The following MAD1L1 variants were observed in gnomAD, a reference collection of about 807,000 sequenced individuals.
MAD1L1 encodes mitotic arrest deficient 1 like 1, also known as mitotic spindle assembly checkpoint protein MAD1.
MAD1L1 carries 95 observed loss-of-function variants against 96.9 expected under a neutral mutation model. The observed-to-expected ratio is 0.98, with a 90% confidence interval of 0.83 to 1.16. MAD1L1 has a LOEUF of 1.16. MAD1L1 is among the 50% of genes most tolerant of loss of function. The probability of loss-of-function intolerance (pLI) is 0.00; values close to 1 mark genes in which losing one functional copy is unlikely to be tolerated. For missense variants in MAD1L1, 1,007 were observed against 954.4 expected, an observed-to-expected ratio of 1.06 and a Z score of -0.73; for synonymous variants, 473 against 396.6, an observed-to-expected ratio of 1.19 and a Z score of -2.29.
At chr7:1,999,810 G>A (rs1009948977) in intron 14 of MAD1L1, among the ~76,000 whole-genome samples, 10 of 152,150 alleles carry the variant, frequency 6.6e-5, no homozygotes, top group Admixed American at 2.0e-4. Context: ...ATGAAACGCC[G>A]GCCGCAGGGC....
At chr7:2,083,412 G>A (rs55954288) in intron 11 of MAD1L1, among the ~76,000 whole-genome samples, 4,117 of 152,298 alleles carry the variant, frequency 0.027, 95 homozygotes, top group South Asian at 0.088. Flanking sequence ...CCTTTAAAAG[G>A]CAGGGTTAGT....
intron 18 of MAD1L1, among the ~76,000 whole-genome samples, chr7:1,838,180 C>A (rs867823402): frequency 6.6e-6 from 1 of 152,230 alleles, no homozygotes; most frequent in Non-Finnish European, 1.5e-5. Context: ...TCTAACCCAG[C>A]GGCACCCGCA....
At chr7:2,220,736 T>G in intron 5 of MAD1L1, 1 of 854,216 alleles carries the variant, frequency 1.2e-6, no homozygotes, top group Middle Eastern at 3.2e-4. Flanking sequence ...GGGGGCTGCG[T>G]GCTCCCCACA....
chr7:1,916,300 T>C (rs1360209548), intron 17 of MAD1L1, among the ~76,000 whole-genome samples: 1 of 152,126 alleles, frequency 6.6e-6, no homozygotes, highest in African/African-American at 2.4e-5. Context: ...CAAAGACTTG[T>C]ACCCAAACGT....
chr7:1,869,475 C>T (rs555276074), intron 18 of MAD1L1, among the ~76,000 whole-genome samples: 4 of 152,284 alleles, frequency 2.6e-5, no homozygotes, highest in South Asian at 2.1e-4. Flanking sequence ...GCTCAGCCCA[C>T]GTGCAGCTGG....
At chr7:1,986,377 C>A (rs368364520) in intron 14 of MAD1L1, among the ~76,000 whole-genome samples, 3 of 151,962 alleles carry the variant, frequency 2.0e-5, no homozygotes, top group East Asian at 3.9e-4. Flanking sequence ...TGGAACCACA[C>A]GCCAGTCCAG....
chr7:2,016,859 A>C (rs1398982319), intron 12 of MAD1L1, among the ~76,000 whole-genome samples: 3 of 152,276 alleles, frequency 2.0e-5, no homozygotes, highest in Non-Finnish European at 4.4e-5. Flanking sequence ...CGTGTGTCAT[A>C]ATCTTATTGA....
intron 10 of MAD1L1, among the ~76,000 whole-genome samples, chr7:2,181,064 C>T (rs930873103): frequency 8.5e-5 from 13 of 152,212 alleles, no homozygotes; most frequent in Non-Finnish European, 1.3e-4. Flanking sequence ...TCAAATATGC[C>T]GGTGAGCTTA....
chr7:2,168,554 CAGT>C (rs757767769), intron 10 of MAD1L1, among the ~76,000 whole-genome samples: 2 of 152,224 alleles, frequency 1.3e-5, no homozygotes, highest in African/African-American at 4.8e-5. Context: ...TCCTGAACTT[CAGT>C]TATCTGTCCT....
In MAD1L1 at chr7:2,114,611, G is replaced by A. The variant is rs915960137; in HGVS notation, c.1073+34541C>T. 1.3e-5 allele frequency among the ~76,000 whole-genome samples: 2 copies of A among 152,210 alleles called. No individual in the cohort carries two copies. Among genetic ancestry groups the A allele is most frequent in the African/African-American group, 2.4e-5 (1 of 41,440 alleles). ...GACTTGAACGGTGGTTTCTTAACAG[G>A]GTCCAACAACTACAGCCTGTGGCCA... is the stretch of plus-strand genomic sequence containing the variant. On this transcript the variant is annotated intron_variant, in intron 11 of 18. Coordinates refer to ENST00000265854, the MANE Select transcript of MAD1L1 (RefSeq NM_001013836.2). This position sits in a 1 kb window ranked among gnomAD's most constrained non-coding sequence, Gnocchi z 4.2.
intron 14 of MAD1L1, among the ~76,000 whole-genome samples, chr7:1,995,286 C>T (rs1010439255): frequency 4.6e-5 from 7 of 152,172 alleles, no homozygotes; most frequent in Middle Eastern, 3.4e-3. Context: ...GAACGGGCAG[C>T]GAGCCTGGAA....
At chr7:2,040,721 C>G (rs1317909251) in intron 12 of MAD1L1, among the ~76,000 whole-genome samples, 1 of 152,198 alleles carries the variant, frequency 6.6e-6, no homozygotes, top group African/African-American at 2.4e-5. Flanking sequence ...GGCAGCTCCC[C>G]GCCAGGCTGT....
chr7:2,119,352 T>G lies in MAD1L1; in HGVS notation c.1073+29800A>C, dbSNP rs1358038521. 6.6e-6 allele frequency among the ~76,000 whole-genome samples: 1 copy of G among 152,120 alleles called. No individual in the cohort carries two copies. Among genetic ancestry groups the G allele is most frequent in the Non-Finnish European group, 1.5e-5 (1 of 68,020 alleles). On this transcript the variant is annotated intron_variant, in intron 11 of 18. Coordinates refer to ENST00000265854, the MANE Select transcript of MAD1L1 (RefSeq NM_001013836.2). The surrounding 1 kb of genome is among the most constrained non-coding windows in gnomAD (Gnocchi z 4.6). Reference sequence around the variant, plus strand: ...CTATCGCATCTCCATCACCCACCCTTTCTGACAGTGGCCCACATGGTTTAG... The same window carrying G: ...CTATCGCATCTCCATCACCCACCCTGTCTGACAGTGGCCCACATGGTTTAG...
intron 12 of MAD1L1, among the ~76,000 whole-genome samples, chr7:2,029,673 G>A (rs1204331935): frequency 1.3e-5 from 2 of 152,200 alleles, no homozygotes; most frequent in African/African-American, 2.4e-5. Flanking sequence ...AGATGGAACC[G>A]TGAGCCCAAC....
intron 17 of MAD1L1, among the ~76,000 whole-genome samples, chr7:1,919,437 A>G (rs753250086): frequency 6.6e-6 from 1 of 152,216 alleles, no homozygotes; most frequent in East Asian, 1.9e-4. Flanking sequence ...GCAGAACTGT[A>G]AAGCCAAGCC....
chr7:1,862,779 A>T (rs988728185), intron 18 of MAD1L1, among the ~76,000 whole-genome samples: 1 of 152,256 alleles, frequency 6.6e-6, no homozygotes, highest in East Asian at 1.9e-4. Flanking sequence ...GAAAAAAAAC[A>T]GTGCTTGCTA....
At chr7:2,001,497 C>T (rs1047999802) in intron 14 of MAD1L1, among the ~76,000 whole-genome samples, 1 of 152,266 alleles carries the variant, frequency 6.6e-6, no homozygotes, top group Non-Finnish European at 1.5e-5. Context: ...GCGGGCCCCC[C>T]ACCCAGGCTC....
intron 11 of MAD1L1, among the ~76,000 whole-genome samples, chr7:2,083,637 T>C (rs576442004): frequency 1.3e-5 from 2 of 152,330 alleles, no homozygotes; most frequent in East Asian, 1.9e-4. Context: ...GTGGCCAAGA[T>C]GGAAGAGGCA....
chr7:1,915,501 G>A (rs939669012), intron 17 of MAD1L1, among the ~76,000 whole-genome samples: 4 of 152,184 alleles, frequency 2.6e-5, no homozygotes, highest in African/African-American at 7.2e-5. Flanking sequence ...ACAGGAGGCC[G>A]ACGCGGGACG....
Sources: allele counts gnomAD v4.1 joint callset (sites outside exome capture counted in the v4.1 genomes callset), GRCh38; gene constraint gnomAD v4.1.1; non-coding constraint Gnocchi (gnomAD v3.1); transcripts MANE v1.5; gene names NCBI Gene and HGNC (gene_info 2026-07-23, HGNC 2026-07-21).